The following CPA6 variants were observed in gnomAD, a reference collection of about 807,000 sequenced individuals.
CPA6 encodes the protein carboxypeptidase B.
A neutral mutation model predicts 63.3 loss-of-function variants in CPA6; 58 were observed. That is an observed-to-expected ratio of 0.92 (90% CI 0.74 to 1.14). CPA6 has a LOEUF of 1.14. CPA6 is among the 50% of genes most tolerant of loss of function. The probability of loss-of-function intolerance (pLI) is 0.00; values close to 1 mark genes in which losing one functional copy is unlikely to be tolerated. For synonymous variants in CPA6, 185 were observed against 179.0 expected (o/e 1.03, Z -0.27); for missense variants, 565 against 526.6 (o/e 1.07, Z -0.71).
At chr8:67,646,370 G>A (rs1421073618) in intron 1 of CPA6, among the ~76,000 whole-genome samples, 4 of 152,264 alleles carry the variant, frequency 2.6e-5, no homozygotes, top group African/African-American at 9.6e-5. Flanking sequence ...TCAATCCTAT[G>A]GCCATCAAAT....
chr8:67,734,472 G>GAAT (rs1817776860), intron 1 of CPA6, among the ~76,000 whole-genome samples: 1 of 151,366 alleles, frequency 6.6e-6, no homozygotes, highest in African/African-American at 2.4e-5. Flanking sequence ...ATTACATTAA[G>GAAT]ATTTCTGTCA....
At chr8:67,634,652 A>G (rs1308485539) in intron 1 of CPA6, among the ~76,000 whole-genome samples, 1 of 151,430 alleles carries the variant, frequency 6.6e-6, no homozygotes, top group East Asian at 1.9e-4. Context: ...CTAACCCTTA[A>G]ATTGAGGGGA....
intron 1 of CPA6, among the ~76,000 whole-genome samples, chr8:67,714,036 T>A (rs925715477): frequency 2.6e-5 from 4 of 152,286 alleles, no homozygotes; most frequent in South Asian, 4.1e-4. Flanking sequence ...ATTTTTTTTT[T>A]AAATATCAAG....
Position 67,422,698 on chromosome 8 carries a change from GT to G in CPA6, c.1127-8del. 4 of 1,577,854 alleles carry G rather than the reference GT, an allele frequency of 2.5e-6. No individual in the cohort carries two copies. In the African/African-American group the frequency reaches 4.2e-5, roughly 17 times the overall value. ...GAGCTACCAGAGCTCACATCTAAAA[GT>G]TAAAACAAAAAAAAAAAGATCAGCC... On this transcript the variant is annotated splice_polypyrimidine_tract_variant and splice_region_variant and intron_variant, in intron 10 of 10. Transcript: ENST00000297770.
chr8:67,500,622 C>G (rs1053346114), intron 6 of CPA6, among the ~76,000 whole-genome samples: 1 of 151,844 alleles, frequency 6.6e-6, no homozygotes, highest in African/African-American at 2.4e-5. Context: ...GGTTTTAGAT[C>G]CTGAAGATTT....
At chr8:67,482,193 A>G (rs1173892711) in intron 8 of CPA6, among the ~76,000 whole-genome samples, 1 of 152,222 alleles carries the variant, frequency 6.6e-6, no homozygotes, top group Non-Finnish European at 1.5e-5. Context: ...ACATAGGCAG[A>G]GCTGGCTGCT....
At chr8:67,531,517 A>G (rs1295966526) in intron 2 of CPA6, among the ~76,000 whole-genome samples, 1 of 152,178 alleles carries the variant, frequency 6.6e-6, no homozygotes, top group Non-Finnish European at 1.5e-5. Context: ...AGCAGTATAT[A>G]TCGCTATATA....
In CPA6 at chr8:67,746,065, A is replaced by G; in HGVS notation, c.65T>C (p.Leu22Ser). Residue 22 changes from leucine to serine, a missense_variant, in exon 1 of 11, where the codon TTG (leucine) becomes TCG (serine). Physicochemically the swap from Leu to Ser is moderately radical, Grantham distance 145. Transcript: ENST00000297770. ...GCTGTGCCCCGGTTGCAGAATCTTCAAAAAGAGCCAGCAAAGAGGCAGGAA... is the reference window on the plus strand; with the variant it reads ...GCTGTGCCCCGGTTGCAGAATCTTCGAAAAGAGCCAGCAAAGAGGCAGGAA... ...AAFLPLCWLF[L>S]KILQPGHSHL... 7.4e-6 allele frequency: 12 copies of G among 1,613,946 alleles called. No homozygotes were observed. The highest frequency in any genetic ancestry group is 1.0e-5 in the Non-Finnish European group (12 of 1,179,872).
intron 6 of CPA6, among the ~76,000 whole-genome samples, chr8:67,498,934 TA>T (rs1337085673): frequency 2.6e-5 from 4 of 152,292 alleles, no homozygotes; most frequent in African/African-American, 7.2e-5. Flanking sequence ...ACTATCAACT[TA>T]AAAGACTAAA....
intron 1 of CPA6, among the ~76,000 whole-genome samples, chr8:67,663,135 A>G (rs1016720850): frequency 2.6e-5 from 4 of 152,182 alleles, no homozygotes; most frequent in Non-Finnish European, 5.9e-5. Context: ...TAAAAACTAA[A>G]TGTATGCACT....
rs563693857 is a variant in CPA6, at chr8:67,603,276, G to A, written c.192+20900C>T. Among the ~76,000 whole-genome samples, 21 of 152,058 alleles carry A rather than the reference G, an allele frequency of 1.4e-4. No individual in the cohort carries two copies. In the South Asian group the frequency reaches 4.2e-3, roughly 30 times the overall value. On this transcript the variant is annotated intron_variant, in intron 2 of 10. Transcript: ENST00000297770. ...TACATGTATTCTTTACCTCCCAAGT[G>A]GAGAAGGATGCAGGGTTTGTCCCAA...
intron 4 of CPA6, among the ~76,000 whole-genome samples, chr8:67,510,690 G>A (rs1812024234): frequency 6.6e-6 from 1 of 152,116 alleles, no homozygotes; most frequent in Non-Finnish European, 1.5e-5. Flanking sequence ...TCAATTCAGA[G>A]GAAGCATGGA....
intron 2 of CPA6, 130 bp downstream of exon 2, chr8:67,624,046 C>A: frequency 1.9e-6 from 1 of 535,542 alleles, no homozygotes. Flanking sequence ...AAAATAAAAG[C>A]TCTTTCAAGT....
rs183379394 is a variant in CPA6, at chr8:67,687,314, T to C, written c.116+58700A>G. The stretch of plus-strand genomic sequence containing the variant: ...CTTGAGATACCTTGTTGCAGGATGA[T>C]AAGACTTAAGTTATAAGATATGACC... On this transcript the variant is annotated intron_variant, in intron 1 of 10. Coordinates refer to ENST00000297770, the MANE Select transcript of CPA6 (RefSeq NM_020361.5). 6.2e-3 allele frequency among the ~76,000 whole-genome samples: 938 copies of C among 152,278 alleles called. 1 individual carries two copies. The highest frequency in any genetic ancestry group is 9.2e-3 in the Non-Finnish European group (629 of 68,028).
At chr8:67,718,568 T>G (rs1395022479) in intron 1 of CPA6, among the ~76,000 whole-genome samples, 1 of 152,158 alleles carries the variant, frequency 6.6e-6, no homozygotes, top group African/African-American at 2.4e-5. Flanking sequence ...TCTCCACATC[T>G]TAATCTGGAC....
At chr8:67,475,773 CTT>C (rs1811164659) in intron 8 of CPA6, among the ~76,000 whole-genome samples, 2 of 50,248 alleles carry the variant, frequency 4.0e-5, no homozygotes, top group Non-Finnish European at 7.3e-5. Context: ...CTTTCTCTTT[CTT>C]TCTTTCTTTC....
intron 1 of CPA6, among the ~76,000 whole-genome samples, chr8:67,705,750 T>C (rs1332032962): frequency 2.0e-5 from 3 of 152,214 alleles, no homozygotes; most frequent in Non-Finnish European, 4.4e-5. Flanking sequence ...ATTGCCCACA[T>C]TTATTCAGAC....
At chr8:67,512,453 G>C (rs1463110403) in intron 3 of CPA6, among the ~76,000 whole-genome samples, 5 of 152,244 alleles carry the variant, frequency 3.3e-5, no homozygotes, top group Non-Finnish European at 7.3e-5. Flanking sequence ...CAAGAGAAGA[G>C]AAGCTCAGCC....
chr8:67,647,566 A>G lies in CPA6; in HGVS notation c.117-23315T>C, dbSNP rs542796662. On this transcript the variant is annotated intron_variant, in intron 1 of 10. Transcript: ENST00000297770. ...ACGATGCTTTGATATGCTGAACTGA[A>G]GAAGCAGCCTCAAGGTCTCTTAGAC... 5.9e-5 allele frequency among the ~76,000 whole-genome samples: 9 copies of G among 152,298 alleles called. No individual in the cohort carries two copies. In the East Asian group the frequency reaches 1.7e-3, roughly 29 times the overall value.
Sources: gnomAD v4.1 joint callset for allele counts (sites outside exome capture counted in the v4.1 genomes callset) on GRCh38, gnomAD v4.1.1 for gene constraint, MANE v1.5 for transcripts, NCBI Gene and HGNC (gene_info 2026-07-23, HGNC 2026-07-21) for gene names.